PLCB1: variants seen among roughly 807,000 people sequenced by gnomAD.
PLCB1 encodes 1-phosphatidylinositol 4,5-bisphosphate phosphodiesterase beta-1.
PLCB1 carries 46 observed loss-of-function variants against 161.8 expected under a neutral mutation model. That is an observed-to-expected ratio of 0.28 (90% CI 0.22 to 0.36). PLCB1 has a LOEUF of 0.36. PLCB1 is among the 10% of genes least tolerant of loss of function. PLCB1 has a pLI of 1.00. For synonymous variants in PLCB1, 517 were observed against 503.7 expected, an observed-to-expected ratio of 1.03 and a Z score of -0.35; for missense variants, 1,016 against 1,472.5, an observed-to-expected ratio of 0.69 and a Z score of 5.07.
intron 9 of PLCB1, among the ~76,000 whole-genome samples, chr20:8,663,685 G>A (rs1246684673): frequency 6.6e-6 from 1 of 152,150 alleles, no homozygotes; most frequent in Non-Finnish European, 1.5e-5. Flanking sequence ...GCTTGTCACA[G>A]AGGATACTAT....
intron 23 of PLCB1, among the ~76,000 whole-genome samples, chr20:8,755,686 C>A: frequency 6.6e-6 from 1 of 152,240 alleles, no homozygotes. Flanking sequence ...ATTCCACAAG[C>A]TTAAAGGTTT....
At chr20:8,707,407 A>G (rs1006570689) in intron 11 of PLCB1, among the ~76,000 whole-genome samples, 1 of 152,206 alleles carries the variant, frequency 6.6e-6, no homozygotes, top group African/African-American at 2.4e-5. Context: ...AAACAAGTGT[A>G]TGGGAATATG....
chr20:8,629,900 TTC>T (rs1340919816), intron 4 of PLCB1, among the ~76,000 whole-genome samples: 1 of 141,856 alleles, frequency 7.0e-6, no homozygotes, highest in African/African-American at 2.6e-5. Flanking sequence ...TTTTCTTTCT[TTC>T]TTTCTCTTTC....
intron 3 of PLCB1, among the ~76,000 whole-genome samples, chr20:8,535,202 C>CAAAAAAAAAAAAAAAAAAAAAAAAAAGA (rs11323420): frequency 1.9e-5 from 1 of 52,798 alleles, no homozygotes; most frequent in African/African-American, 6.9e-5. Flanking sequence ...AGTTTATGGG[C>CAAAAAAAAAAAAAAAAAAAAAAAAAAGA]AAAAAAAAAA....
chr20:8,442,521 T>C (rs893608291), intron 3 of PLCB1, among the ~76,000 whole-genome samples: 2 of 152,188 alleles, frequency 1.3e-5, no homozygotes. Flanking sequence ...AGTTTCAGCA[T>C]CTGAATTTTA....
At chr20:8,324,884 T>C (rs534969806) in intron 2 of PLCB1, among the ~76,000 whole-genome samples, 1 of 152,330 alleles carries the variant, frequency 6.6e-6, no homozygotes, top group South Asian at 2.1e-4. Context: ...CAGTTCTGGG[T>C]ATTTGAAAGA....
At chr20:8,590,976 C>T (rs956737739) in intron 3 of PLCB1, among the ~76,000 whole-genome samples, 2 of 152,126 alleles carry the variant, frequency 1.3e-5, no homozygotes, top group South Asian at 2.1e-4. Flanking sequence ...CTCCCTCCCC[C>T]TCCCCGACCT....
intron 10 of PLCB1, among the ~76,000 whole-genome samples, chr20:8,696,975 C>T (rs968565045): frequency 5.9e-5 from 9 of 152,162 alleles, no homozygotes; most frequent in Admixed American, 6.5e-5. Flanking sequence ...CCTCGTGATC[C>T]GCTCGCCTCA....
In PLCB1 at chr20:8,644,510, G is replaced by A. The variant is rs563604087; in HGVS notation, c.385-1592G>A. Among the ~76,000 whole-genome samples the A allele has an allele frequency of 2.3e-4, 34 of 147,002 alleles. 1 individual carries two copies. Among genetic ancestry groups the A allele is most frequent in the South Asian group, 1.7e-3 (8 of 4,666 alleles). On this transcript the variant is annotated intron_variant, in intron 4 of 31. Transcript: ENST00000338037. The stretch of plus-strand genomic sequence containing the variant: ...CGACCCCGTCTGGGAGGTGAGGAGC[G>A]TCTCTGCCCGGCCGCCCCGTCTGAG...
At chr20:8,342,753 T>A (rs959093170) in intron 2 of PLCB1, among the ~76,000 whole-genome samples, 5 of 152,174 alleles carry the variant, frequency 3.3e-5, no homozygotes, top group African/African-American at 1.2e-4. Flanking sequence ...TGCCTATTAC[T>A]TCCCAAAGAA....
At chr20:8,385,543 T>G (rs1041885653) in intron 3 of PLCB1, among the ~76,000 whole-genome samples, 22 of 152,208 alleles carry the variant, frequency 1.4e-4, no homozygotes, top group African/African-American at 5.3e-4. Context: ...GTGGTGCTGG[T>G]GGCCCCTCCC....
intron 31 of PLCB1, among the ~76,000 whole-genome samples, chr20:8,796,736 G>A (rs1209837660): frequency 6.6e-6 from 1 of 152,134 alleles, no homozygotes; most frequent in Admixed American, 6.5e-5. Flanking sequence ...CTCCTTCTGG[G>A]CAATACCAGG....
At chr20:8,725,987 A>G (rs538759007) in intron 16 of PLCB1, among the ~76,000 whole-genome samples, 5 of 152,298 alleles carry the variant, frequency 3.3e-5, no homozygotes, top group East Asian at 1.9e-4. Context: ...TTAATAAGTC[A>G]TATAAAGGTA....
At chr20:8,160,663 C>G (rs1290570132) in intron 2 of PLCB1, among the ~76,000 whole-genome samples, 1 of 152,158 alleles carries the variant, frequency 6.6e-6, no homozygotes, top group African/African-American at 2.4e-5. Flanking sequence ...TACCTCCCAC[C>G]AGGTCCCTCC....
At chr20:8,872,247 A>G (rs2146326161) in intron 31 of PLCB1, among the ~76,000 whole-genome samples, 1 of 152,340 alleles carries the variant, frequency 6.6e-6, no homozygotes, top group South Asian at 2.1e-4. Flanking sequence ...ATCAAACTCC[A>G]GCACCCAATA....
chr20:8,805,327 GT>G (rs1190649257), intron 31 of PLCB1, among the ~76,000 whole-genome samples: 4 of 152,162 alleles, frequency 2.6e-5, no homozygotes, highest in Non-Finnish European at 4.4e-5. Context: ...CTCATTTTAT[GT>G]ATACATAAGT....
intron 3 of PLCB1, among the ~76,000 whole-genome samples, chr20:8,382,804 C>A (rs946974826): frequency 6.6e-6 from 1 of 152,184 alleles, no homozygotes; most frequent in Non-Finnish European, 1.5e-5. Context: ...ACCTCGGCCT[C>A]CCAAAGTGCT....
chr20:8,155,041 G>A (rs1297811821), intron 2 of PLCB1, among the ~76,000 whole-genome samples: 1 of 152,140 alleles, frequency 6.6e-6, no homozygotes, highest in Admixed American at 6.6e-5. Flanking sequence ...ACTGGTGTAA[G>A]GTGGAGCTCT....
intron 3 of PLCB1, among the ~76,000 whole-genome samples, chr20:8,456,651 G>T (rs1981331879): frequency 6.6e-6 from 1 of 152,118 alleles, no homozygotes; most frequent in Non-Finnish European, 1.5e-5. Flanking sequence ...CTTCACTTTA[G>T]CCTGGGCTGA....
Sources: gnomAD v4.1 joint callset for allele counts (sites outside exome capture counted in the v4.1 genomes callset) on GRCh38, gnomAD v4.1.1 for gene constraint, MANE v1.5 for transcripts, NCBI Gene and HGNC (gene_info 2026-07-23, HGNC 2026-07-21) for gene names.